The following STIL variants were observed in gnomAD, a reference collection of about 807,000 sequenced individuals.
STIL encodes SCL-interrupting locus protein.
In STIL, 55 loss-of-function variants were observed where a neutral mutation model predicts 110.1. The ratio of observed to expected loss-of-function variants is 0.50; its 90% CI spans 0.40 to 0.63. The LOEUF is 0.63. Among genes scored for constraint, STIL ranks in the 20% least tolerant of loss-of-function variants. The pLI is 0.00. For synonymous variants in STIL, 481 were observed against 530.0 expected (o/e 0.91, Z 1.27); for missense variants, 1,358 against 1,530.0 (o/e 0.89, Z 1.87).
At position 47,280,339 on chromosome 1, in the gene STIL, G is replaced by A; in HGVS notation, c.2119C>T (p.Pro707Ser). The A allele has an allele frequency of 3.7e-6, 6 of 1,614,232 alleles. No individual in the cohort carries two copies. Among genetic ancestry groups the A allele is most frequent in the Non-Finnish European group, 5.1e-6 (6 of 1,180,040 alleles). Residue 707 changes from proline to serine, a missense_variant, in exon 12 of 17, where the codon CCC (proline) becomes TCC (serine). Pro to Ser is a moderately conservative substitution (Grantham distance 74). Transcript: ENST00000371877. ...ATTCCATTATCTGACTCAGTCTTGG[G>A]TGTGTGCATGCACACTGTGCAAGGC... ...PQPCTVCMHTPKTESDNGMMG... is the reference protein window; with the variant it reads ...PQPCTVCMHTSKTESDNGMMG...
At chr1:47,271,982 GCACC>G in intron 13 of STIL, 90 bp downstream of exon 13, 1 of 1,380,242 alleles carries the variant, frequency 7.2e-7, no homozygotes, top group Non-Finnish European at 1.0e-6. Context: ...TGGTCCTACT[GCACC>G]ATGCACCAAT....
In STIL at chr1:47,270,227, CAAAAA is replaced by C. The variant is rs34842407; in HGVS notation, c.2384-366_2384-362del. Among the ~76,000 whole-genome samples the C allele has an allele frequency of 7.7e-3, 671 of 87,174 alleles. 2 individuals carry two copies. Among genetic ancestry groups the C allele is most frequent in the Admixed American group, 0.023 (167 of 7,352 alleles). 57.2% of individuals were successfully genotyped at this position (87,174 alleles called of 152,430 possible). ...CATTCCAGCCTGGGCAACTCTGGCTCAAAAAAAAAAAAAAATATATATATATATAC... is the reference window on the plus strand; with the variant it reads ...CATTCCAGCCTGGGCAACTCTGGCTCAAAAAAAAAATATATATATATATAC... On this transcript the variant is annotated intron_variant, in intron 13 of 16. Transcript: ENST00000371877.
chr1:47,259,325 G>C (rs1185259504), intron 16 of STIL, among the ~76,000 whole-genome samples: 1 of 106,138 alleles, frequency 9.4e-6, no homozygotes, highest in Non-Finnish European at 1.8e-5. Context: ...TTGCTCTGTC[G>C]TCCAGGCTAG....
In STIL at chr1:47,280,884, G is replaced by T; in HGVS notation, c.1574C>A (p.Ser525Tyr). The T allele has an allele frequency of 6.2e-7, 1 of 1,614,210 alleles. No homozygotes were observed. Among genetic ancestry groups the T allele is most frequent in the Non-Finnish European group, 8.5e-7 (1 of 1,180,036 alleles). ...NPHTRNSIKP[S>Y]SHNGPSHDIF... ...ATCATGAGATGGCCCATTATGAGAA[G>T]ATGGTTTAATACTGTTCCTGGTATG... Residue 525 changes from serine to tyrosine, a missense_variant, in exon 12 of 17, where the codon TCT (serine) becomes TAT (tyrosine). Transcript: ENST00000371877.
At chr1:47,305,068 T>A in intron 2 of STIL, 72 bp from the exon 3 acceptor site, 1 of 987,120 alleles carries the variant, frequency 1.0e-6, no homozygotes, top group Non-Finnish European at 1.6e-6. Flanking sequence ...AGGAAACAAC[T>A]AACTATCTTT....
intron 14 of STIL, among the ~76,000 whole-genome samples, chr1:47,266,197 A>G (rs1644649525): frequency 6.6e-6 from 1 of 152,196 alleles, no homozygotes; most frequent in African/African-American, 2.4e-5. Flanking sequence ...ATTAAAACAT[A>G]TACTATACTA....
intron 5 of STIL, 120 bp from the exon 6 acceptor site, chr1:47,300,272 T>A: frequency 2.0e-6 from 2 of 1,006,954 alleles, no homozygotes; most frequent in South Asian, 3.5e-5. Context: ...ATTAAATGAG[T>A]TCTGATTTAC....
Position 47,269,651 on chromosome 1 carries a change from G to A in STIL, c.2599C>T (p.Pro867Ser). Residue 867 changes from proline to serine, a missense_variant, in exon 14 of 17, where the codon CCA becomes TCA. Pro to Ser is a moderately conservative substitution (Grantham distance 74). Coordinates refer to ENST00000371877, the MANE Select transcript of STIL (RefSeq NM_001048166.1). ...NIAVEEEFNQ[P>S]LSVSNSSSLV... ...AGACCTTACTTGGATACAGAAAGTGGCTGGTTAAATTCTTCTTCCACAGCA... is the reference window on the plus strand; with the variant it reads ...AGACCTTACTTGGATACAGAAAGTGACTGGTTAAATTCTTCTTCCACAGCA... The A allele has an allele frequency of 6.2e-7, 1 of 1,614,018 alleles. No homozygotes were observed. The highest frequency in any genetic ancestry group is 8.5e-7 in the Non-Finnish European group (1 of 1,179,976).
intron 13 of STIL, among the ~76,000 whole-genome samples, chr1:47,270,211 C>G (rs1191681661): frequency 7.4e-6 from 1 of 135,386 alleles, no homozygotes; most frequent in Non-Finnish European, 1.6e-5. Flanking sequence ...GCATTCCAGC[C>G]TGGGCAACTC....
chr1:47,251,265 A>G lies in STIL; in HGVS notation c.3738T>C (p.Asn1246=). The change falls in exon 17 of 17, where the codon AAT becomes AAC. Residue 1246 remains asparagine, a synonymous_variant. Coordinates refer to ENST00000371877, the MANE Select transcript of STIL (RefSeq NM_001048166.1). ...AEFTQHPEKE[N]EGDITIFPES... ...CAGGAAAAATTGTAATGTCCCCTTC[A>G]TTTTCTTTCTCAGGATGTTGAGTGA... is the stretch of plus-strand genomic sequence containing the variant. 1.2e-6 allele frequency: 2 copies of G among 1,612,074 alleles called. No homozygotes were observed. Among genetic ancestry groups the G allele is most frequent in the Non-Finnish European group, 1.7e-6 (2 of 1,178,602 alleles).
chr1:47,265,260 A>AAC (rs1553170532), intron 14 of STIL, among the ~76,000 whole-genome samples: 21 of 148,410 alleles, frequency 1.4e-4, no homozygotes, highest in East Asian at 4.1e-4. Context: ...AAAAAAAAAA[A>AAC]CACAAGATTG....
chr1:47,260,160 T>TA, intron 16 of STIL, 129 bp downstream of exon 16: 1 of 938,552 alleles, frequency 1.1e-6, no homozygotes, highest in Non-Finnish European at 1.6e-6. Flanking sequence ...GGCACAAACG[T>TA]AACTTTTCTG....
intron 9 of STIL, among the ~76,000 whole-genome samples, chr1:47,288,747 T>TA (rs1345174409): frequency 1.3e-5 from 2 of 151,502 alleles, no homozygotes; most frequent in Admixed American, 1.3e-4. Flanking sequence ...CCACACATTT[T>TA]AAAAATAATA....
chr1:47,312,307 G>T (rs1004018743), intron 1 of STIL, among the ~76,000 whole-genome samples: 1 of 152,004 alleles, frequency 6.6e-6, no homozygotes, highest in African/African-American at 2.4e-5. Flanking sequence ...TGGCTAACAC[G>T]ATGAAACCCC....
At chr1:47,302,135 G>A (rs1645822423) in intron 4 of STIL, 99 bp downstream of exon 4, 1 of 842,754 alleles carries the variant, frequency 1.2e-6, no homozygotes, top group Admixed American at 1.9e-5. Flanking sequence ...TATGCAAGCT[G>A]GTCTTAAACT....
chr1:47,261,691 GATC>G (rs1644489678), intron 15 of STIL, among the ~76,000 whole-genome samples: 1 of 150,696 alleles, frequency 6.6e-6, no homozygotes, highest in Non-Finnish European at 1.5e-5. Context: ...AGTAAGCTGA[GATC>G]ATGTCACTGC....
At chr1:47,302,765 T>C (rs1430763138) in intron 3 of STIL, among the ~76,000 whole-genome samples, 2 of 152,206 alleles carry the variant, frequency 1.3e-5, no homozygotes, top group Non-Finnish European at 2.9e-5. Context: ...ACAAATCCTA[T>C]ATATACTATG....
intron 5 of STIL, 133 bp downstream of exon 5, chr1:47,301,428 G>T: frequency 9.9e-7 from 1 of 1,013,928 alleles, no homozygotes; most frequent in Non-Finnish European, 1.5e-6. Flanking sequence ...ACATTTAGTT[G>T]GATTTTAGGT....
chr1:47,286,319 A>G (rs954831102), intron 10 of STIL, among the ~76,000 whole-genome samples: 3 of 151,602 alleles, frequency 2.0e-5, no homozygotes, highest in Admixed American at 6.6e-5. Flanking sequence ...CAATATTCCA[A>G]CTTCAATGGC....
Sources: allele counts gnomAD v4.1 joint callset (sites outside exome capture counted in the v4.1 genomes callset), GRCh38; gene constraint gnomAD v4.1.1; transcripts MANE v1.5; gene names NCBI Gene and HGNC (gene_info 2026-07-23, HGNC 2026-07-21).